CNTNAP2: variants seen among roughly 807,000 people sequenced by gnomAD.
The protein encoded by CNTNAP2 is contactin associated protein 2.
CNTNAP2 carries 98 observed loss-of-function variants against 155.2 expected under a neutral mutation model. That is an observed-to-expected ratio of 0.63 (90% confidence interval 0.54 to 0.75). The LOEUF (loss-of-function observed/expected upper bound fraction) is 0.75, where lower values mean the gene tolerates loss of function less well. Ranked by LOEUF, CNTNAP2 falls within the 30% of genes least tolerant of loss-of-function variation. The pLI is 0.00. For synonymous variants in CNTNAP2, 651 were observed against 631.2 expected, an observed-to-expected ratio of 1.03 and a Z score of -0.47; for missense variants, 1,727 against 1,688.1, an observed-to-expected ratio of 1.02 and a Z score of -0.40.
intron 1 of CNTNAP2, among the ~76,000 whole-genome samples, chr7:146,353,480 C>T (rs551145940): frequency 6.6e-6 from 1 of 152,252 alleles, no homozygotes; most frequent in African/African-American, 2.4e-5. Context: ...GTGTTTTATG[C>T]ATTTAAAAAT....
chr7:147,433,875 T>G (rs1797505316), intron 10 of CNTNAP2, among the ~76,000 whole-genome samples: 1 of 152,236 alleles, frequency 6.6e-6, no homozygotes, highest in African/African-American at 2.4e-5. Context: ...TGACAAAATT[T>G]TGACATGTTC....
chr7:147,968,012 G>A (rs557385441), intron 14 of CNTNAP2, among the ~76,000 whole-genome samples: 1 of 152,144 alleles, frequency 6.6e-6, no homozygotes, highest in Non-Finnish European at 1.5e-5. Flanking sequence ...AGTACATACG[G>A]GTAGCTATTT....
intron 13 of CNTNAP2, among the ~76,000 whole-genome samples, chr7:147,810,026 G>A (rs1798155359): frequency 6.6e-6 from 1 of 152,158 alleles, no homozygotes; most frequent in Admixed American, 6.5e-5. Flanking sequence ...TCTCAAGCCA[G>A]CTCTATGCTT....
chr7:147,267,560 T>C (rs950372409), intron 8 of CNTNAP2, among the ~76,000 whole-genome samples: 1 of 7,078 alleles, frequency 1.4e-4, no homozygotes, highest in African/African-American at 3.9e-3. Context: ...GTTAACACAT[T>C]TTTTTTTTTC....
In CNTNAP2 at chr7:146,334,746, G is replaced by A. The variant is rs140602673; in HGVS notation, c.97+217773G>A. 2.0e-5 allele frequency among the ~76,000 whole-genome samples: 3 copies of A among 152,276 alleles called. No individual in the cohort carries two copies. In the East Asian group the frequency reaches 5.8e-4, roughly 29 times the overall value. ...TAATGAAGAGGGTATTTCAGTGGAA[G>A]CAATGTATTACTTTCCCTCTCTTGG... On this transcript the variant is annotated intron_variant, in intron 1 of 23. Coordinates refer to ENST00000361727, the MANE Select transcript of CNTNAP2 (RefSeq NM_014141.6).
intron 10 of CNTNAP2, among the ~76,000 whole-genome samples, chr7:147,456,444 C>T (rs1797919413): frequency 6.6e-6 from 1 of 151,932 alleles, no homozygotes; most frequent in Non-Finnish European, 1.5e-5. Flanking sequence ...TAATTACAAA[C>T]AGTTTTGAAG....
chr7:148,159,793 T>C (rs985436854), intron 17 of CNTNAP2, among the ~76,000 whole-genome samples: 18 of 152,238 alleles, frequency 1.2e-4, no homozygotes, highest in African/African-American at 3.9e-4. Context: ...AATAGTTCTA[T>C]CAGTGGTAGC....
At chr7:147,599,722 A>G (rs1226628546) in intron 12 of CNTNAP2, among the ~76,000 whole-genome samples, 1 of 152,048 alleles carries the variant, frequency 6.6e-6, no homozygotes, top group Non-Finnish European at 1.5e-5. Flanking sequence ...ATCACATGGT[A>G]TTCTCCATGT....
intron 1 of CNTNAP2, among the ~76,000 whole-genome samples, chr7:146,200,496 A>ATG (rs1491399427): frequency 7.1e-5 from 5 of 70,830 alleles, no homozygotes; most frequent in Admixed American, 1.4e-4. Flanking sequence ...CCGTCTAAAC[A>ATG]TATATATATA....
chr7:147,037,809 T>G (rs1402649729), intron 3 of CNTNAP2, among the ~76,000 whole-genome samples: 1 of 152,228 alleles, frequency 6.6e-6, no homozygotes, highest in East Asian at 1.9e-4. Context: ...GTTGTTTTTA[T>G]TAAATCAACG....
chr7:147,548,370 T>C (rs1441729068), intron 11 of CNTNAP2, among the ~76,000 whole-genome samples: 5 of 152,216 alleles, frequency 3.3e-5, no homozygotes, highest in Non-Finnish European at 5.9e-5. Flanking sequence ...ATTTGAGCTT[T>C]TTTTCATATG....
chr7:147,144,852 G>A (rs543859912), intron 8 of CNTNAP2, among the ~76,000 whole-genome samples: 3 of 152,318 alleles, frequency 2.0e-5, no homozygotes, highest in East Asian at 3.9e-4. Context: ...GCAATGTTGT[G>A]TGGCTGATCG....
intron 19 of CNTNAP2, among the ~76,000 whole-genome samples, chr7:148,224,362 G>A (rs73170554): frequency 0.13 from 20,031 of 152,224 alleles, 1,611 homozygotes; most frequent in East Asian, 0.29. Context: ...GGAGAGAGAA[G>A]CAGCTCAAGA....
chr7:146,301,267 A>C (rs1298492589), intron 1 of CNTNAP2, among the ~76,000 whole-genome samples: 1 of 152,180 alleles, frequency 6.6e-6, no homozygotes, highest in East Asian at 1.9e-4. Context: ...TGAGAATAGA[A>C]GAAAAGAAGA....
intron 13 of CNTNAP2, among the ~76,000 whole-genome samples, chr7:147,710,107 A>G (rs1313361388): frequency 6.6e-6 from 1 of 152,160 alleles, no homozygotes; most frequent in East Asian, 1.9e-4. Context: ...ACCAGCTGGC[A>G]TCCTACAAAA....
At chr7:147,357,643 A>G (rs181793445) in intron 9 of CNTNAP2, among the ~76,000 whole-genome samples, 54 of 152,244 alleles carry the variant, frequency 3.5e-4, no homozygotes, top group South Asian at 6.2e-4. Context: ...CCCACGTGTG[A>G]CTTACTCTCC....
intron 13 of CNTNAP2, among the ~76,000 whole-genome samples, chr7:147,774,855 G>T (rs1797533272): frequency 1.3e-5 from 2 of 152,036 alleles, no homozygotes; most frequent in South Asian, 4.1e-4. Context: ...TCTAACCTAA[G>T]TCTCTTACTT....
intron 4 of CNTNAP2, among the ~76,000 whole-genome samples, chr7:147,076,578 T>C (rs377682816): frequency 9.9e-5 from 15 of 152,198 alleles, no homozygotes; most frequent in East Asian, 5.8e-4. Context: ...AATTTCTAAG[T>C]GAAATCAGTT....
intron 1 of CNTNAP2, among the ~76,000 whole-genome samples, chr7:146,625,196 G>A (rs769238130): frequency 1.3e-5 from 2 of 151,884 alleles, no homozygotes; most frequent in African/African-American, 4.8e-5. Context: ...GAGAGGAAAG[G>A]AGACTCAGGG....
Sources: gnomAD v4.1 joint callset for allele counts (sites outside exome capture counted in the v4.1 genomes callset) on GRCh38, gnomAD v4.1.1 for gene constraint, MANE v1.5 for transcripts, NCBI Gene and HGNC (gene_info 2026-07-23, HGNC 2026-07-21) for gene names.